The following FMNL2 variants were observed in gnomAD, a reference collection of about 807,000 sequenced individuals.
FMNL2 encodes formin-like protein 2.
In FMNL2, 51 loss-of-function variants were observed where a neutral mutation model predicts 130.2. The ratio of observed to expected loss-of-function variants is 0.39; its 90% CI spans 0.31 to 0.49. The LOEUF is 0.49. Ranked by LOEUF, FMNL2 falls within the 20% of genes least tolerant of loss-of-function variation. The probability of loss-of-function intolerance (pLI) is 0.85; values close to 1 mark genes in which losing one functional copy is unlikely to be tolerated. For synonymous variants in FMNL2, 465 were observed against 467.1 expected, an observed-to-expected ratio of 1.00 and a Z score of 0.06; for missense variants, 977 against 1,316.2, an observed-to-expected ratio of 0.74 and a Z score of 3.99.
At position 152,609,692 on chromosome 2, in the gene FMNL2, G is replaced by A. The variant is rs115575587; in HGVS notation, c.952-1803G>A. ...CAGTAGAGTCCTTTTGTAAGCTAGA[G>A]AGGTTACACATCTTCCAAAGATATC... is the stretch of plus-strand genomic sequence containing the variant. On this transcript the variant is annotated intron_variant, in intron 10 of 25. Coordinates refer to ENST00000288670, the MANE Select transcript of FMNL2 (RefSeq NM_052905.4). Among the ~76,000 whole-genome samples the A allele has an allele frequency of 4.5e-3, 678 of 151,978 alleles. 6 individuals are homozygous for A. Among genetic ancestry groups the A allele is most frequent in the African/African-American group, 0.015 (629 of 41,418 alleles).
At chr2:152,516,595 T>G (rs796092377) in intron 1 of FMNL2, among the ~76,000 whole-genome samples, 11 of 152,330 alleles carry the variant, frequency 7.2e-5, no homozygotes, top group African/African-American at 2.6e-4. Flanking sequence ...TATTTCATAC[T>G]GTTCAATTTC....
chr2:152,462,636 C>G (rs1257163182), intron 1 of FMNL2, among the ~76,000 whole-genome samples: 1 of 152,134 alleles, frequency 6.6e-6, no homozygotes, highest in Non-Finnish European at 1.5e-5. Flanking sequence ...ACATCAATAC[C>G]TTGTGTTTGC....
intron 1 of FMNL2, among the ~76,000 whole-genome samples, chr2:152,404,984 C>A (rs1358045711): frequency 6.6e-6 from 1 of 152,130 alleles, no homozygotes; most frequent in Admixed American, 6.5e-5. Context: ...GACGGGGGTT[C>A]TTACCAGTCT....
chr2:152,590,956 A>G (rs1231569221), intron 9 of FMNL2, among the ~76,000 whole-genome samples: 1 of 134,002 alleles, frequency 7.5e-6, no homozygotes, highest in Non-Finnish European at 1.6e-5. Context: ...CCTCTTGTGC[A>G]GAGTTAGATT....
chr2:152,497,062 A>G (rs989668443), intron 1 of FMNL2, among the ~76,000 whole-genome samples: 2 of 152,162 alleles, frequency 1.3e-5, no homozygotes, highest in African/African-American at 4.8e-5. Context: ...TTCTCAACAG[A>G]TAGAGCTAGG....
At chr2:152,595,287 C>G (rs1027695388) in intron 9 of FMNL2, among the ~76,000 whole-genome samples, 1 of 151,974 alleles carries the variant, frequency 6.6e-6, no homozygotes, top group Non-Finnish European at 1.5e-5. Flanking sequence ...TCTTTTTGTT[C>G]CTTGTGTATT....
At chr2:152,574,119 G>A (rs1486915351) in intron 6 of FMNL2, among the ~76,000 whole-genome samples, 3 of 152,194 alleles carry the variant, frequency 2.0e-5, no homozygotes, top group Non-Finnish European at 4.4e-5. Flanking sequence ...GAAAGAATGT[G>A]CTACATTACT....
chr2:152,441,740 G>A (rs558316070), intron 1 of FMNL2, among the ~76,000 whole-genome samples: 1 of 151,912 alleles, frequency 6.6e-6, no homozygotes, highest in South Asian at 2.1e-4. Flanking sequence ...GGAGGCTGAG[G>A]CAGAGAATTG....
chr2:152,640,972 G>A (rs199722934), intron 25 of FMNL2, 58 bp downstream of exon 25: 38 of 1,601,300 alleles, frequency 2.4e-5, no homozygotes, highest in Non-Finnish European at 6.0e-6. Context: ...ACCTAGACTG[G>A]GATGCATGCA....
intron 1 of FMNL2, among the ~76,000 whole-genome samples, chr2:152,383,878 A>G (rs1278995087): frequency 6.6e-6 from 1 of 152,196 alleles, no homozygotes; most frequent in Non-Finnish European, 1.5e-5. Flanking sequence ...GAATTTTGAC[A>G]TCATAAACTA....
chr2:152,397,996 G>T (rs1310786777), intron 1 of FMNL2, among the ~76,000 whole-genome samples: 4 of 152,142 alleles, frequency 2.6e-5, no homozygotes, highest in African/African-American at 9.7e-5. Flanking sequence ...GTGGTGGCAG[G>T]TGCCTGTAAT....
chr2:152,496,597 C>G (rs1337219878), intron 1 of FMNL2, among the ~76,000 whole-genome samples: 5 of 152,176 alleles, frequency 3.3e-5, no homozygotes. Context: ...TCAATTATCA[C>G]TGTGGTGTTT....
intron 1 of FMNL2, among the ~76,000 whole-genome samples, chr2:152,459,050 C>A (rs189534746): frequency 6.6e-6 from 1 of 152,120 alleles, no homozygotes; most frequent in Non-Finnish European, 1.5e-5. Context: ...TTGGTAATAA[C>A]CATTGTAATG....
chr2:152,640,237 G>A (rs1682965717), intron 24 of FMNL2, among the ~76,000 whole-genome samples, 181 bp downstream of exon 24: 1 of 152,152 alleles, frequency 6.6e-6, no homozygotes, highest in African/African-American at 2.4e-5. Context: ...GCAACCACTG[G>A]AATGAGGCTA....
Position 152,362,875 on chromosome 2 carries a change from A to G in FMNL2, c.117+27155A>G, listed in dbSNP as rs117975141. Among the ~76,000 whole-genome samples, 9 of 152,330 alleles carry G rather than the reference A, an allele frequency of 5.9e-5. No homozygotes were observed. The East Asian group carries it at 1.7e-3, about 29-fold the overall frequency. On this transcript the variant is annotated intron_variant, in intron 1 of 25. Coordinates refer to ENST00000288670, the MANE Select transcript of FMNL2 (RefSeq NM_052905.4). ...GGCCACAGAAAGGAATGAAGTGCTG[A>G]TGCATGCTACAACACGGTGAATCTA...
At chr2:152,512,013 C>T (rs890258888) in intron 1 of FMNL2, among the ~76,000 whole-genome samples, 3 of 152,086 alleles carry the variant, frequency 2.0e-5, no homozygotes, top group Non-Finnish European at 2.9e-5. Context: ...CTCTGGATTT[C>T]GATGCATTTT....
rs140384521 is a variant in FMNL2 at position 152,377,033 on chromosome 2, A to T, written c.117+41313A>T. 5.4e-3 allele frequency among the ~76,000 whole-genome samples: 816 copies of T among 152,332 alleles called. 8 individuals carry two copies. Among genetic ancestry groups the T allele is most frequent in the African/African-American group, 0.018 (765 of 41,564 alleles). On this transcript the variant is annotated intron_variant, in intron 1 of 25. Transcript: ENST00000288670. Reference sequence around the variant, plus strand: ...CTTTGTGGAGTCACATAGATCTGGGATGGAAGCCTGGTTTTACCAATCTCT... The same window carrying T: ...CTTTGTGGAGTCACATAGATCTGGGTTGGAAGCCTGGTTTTACCAATCTCT...
In FMNL2 at chr2:152,391,649, C is replaced by G. The variant is rs550025615; in HGVS notation, c.117+55929C>G. ...TTAGTTTTTGTTCTGAATGAGACAC[C>G]GACTTTCCCATATTTCCCGATAGGG... On this transcript the variant is annotated intron_variant, in intron 1 of 25. Coordinates refer to ENST00000288670, the MANE Select transcript of FMNL2 (RefSeq NM_052905.4). Among the ~76,000 whole-genome samples the G allele has an allele frequency of 8.5e-4, 129 of 151,684 alleles. 1 individual carries two copies. The South Asian group carries it at 0.018, about 21-fold the overall frequency.
chr2:152,346,658 C>T (rs1682140178), intron 1 of FMNL2, among the ~76,000 whole-genome samples: 1 of 152,070 alleles, frequency 6.6e-6, no homozygotes, highest in Non-Finnish European at 1.5e-5. Flanking sequence ...GATACCCTAT[C>T]TCTAACAACA....
Sources: gnomAD v4.1 joint callset for allele counts (sites outside exome capture counted in the v4.1 genomes callset) on GRCh38, gnomAD v4.1.1 for gene constraint, MANE v1.5 for transcripts, NCBI Gene and HGNC (gene_info 2026-07-23, HGNC 2026-07-21) for gene names.